SLC24A4: variants seen among roughly 807,000 people sequenced by gnomAD.
SLC24A4 encodes the protein solute carrier family 24 member 4.
SLC24A4 carries 53 observed loss-of-function variants against 79.0 expected under a neutral mutation model. That is an observed-to-expected ratio of 0.67 (90% confidence interval 0.54 to 0.84). The LOEUF is 0.84. Ranked by LOEUF, SLC24A4 falls within the 40% of genes least tolerant of loss-of-function variation. SLC24A4 has a pLI of 0.00. For missense variants in SLC24A4, 731 were observed against 822.0 expected, an observed-to-expected ratio of 0.89 and a Z score of 1.35; for synonymous variants, 323 against 323.8, an observed-to-expected ratio of 1.00 and a Z score of 0.03.
intron 2 of SLC24A4, among the ~76,000 whole-genome samples, chr14:92,366,767 C>T (rs1310244331): frequency 6.6e-6 from 1 of 152,168 alleles, no homozygotes; most frequent in Admixed American, 6.5e-5. Flanking sequence ...ATAATTCTCA[C>T]TTCATGTTTT....
intron 8 of SLC24A4, among the ~76,000 whole-genome samples, 188 bp from the exon 9 acceptor site, chr14:92,447,183 A>G (rs1892841838): frequency 6.6e-6 from 1 of 152,156 alleles, no homozygotes; most frequent in African/African-American, 2.4e-5. Flanking sequence ...TTGAACATCA[A>G]GAGGGCTGCT....
At chr14:92,372,691 G>T (rs530128228) in intron 2 of SLC24A4, among the ~76,000 whole-genome samples, 1 of 152,170 alleles carries the variant, frequency 6.6e-6, no homozygotes, top group South Asian at 2.1e-4. Context: ...GCTCGAGTTT[G>T]GCCCCTCAGC....
chr14:92,468,869 G>C (rs967681036), intron 12 of SLC24A4, among the ~76,000 whole-genome samples: 6 of 151,542 alleles, frequency 4.0e-5, no homozygotes, highest in African/African-American at 1.5e-4. Context: ...CAGAATGGGA[G>C]AAAACATTTG....
intron 2 of SLC24A4, 128 bp downstream of exon 2, chr14:92,326,106 C>A: frequency 1.6e-6 from 1 of 611,454 alleles, no homozygotes; most frequent in Non-Finnish European, 2.9e-6. Context: ...GAAAGGGTGG[C>A]CATGAGGTAT....
intron 2 of SLC24A4, among the ~76,000 whole-genome samples, chr14:92,381,986 G>A (rs1364828396): frequency 6.6e-6 from 1 of 152,148 alleles, no homozygotes; most frequent in Non-Finnish European, 1.5e-5. Context: ...AAAAATGGAT[G>A]TAAGTTCTTA....
At chr14:92,351,281 C>T (rs1385881991) in intron 2 of SLC24A4, among the ~76,000 whole-genome samples, 10 of 148,708 alleles carry the variant, frequency 6.7e-5, no homozygotes, top group South Asian at 2.1e-4. Context: ...CTGCCTATGC[C>T]GAAAACTCAA....
At chr14:92,451,267 C>T (rs527698338) in intron 10 of SLC24A4, 1 of 152,194 alleles carries the variant, frequency 6.6e-6, no homozygotes, top group Non-Finnish European at 1.5e-5. Context: ...ATTTCTTCAC[C>T]CCACTTTTAC....
At chr14:92,358,013 AAT>A (rs919987520) in intron 2 of SLC24A4, among the ~76,000 whole-genome samples, 1 of 152,198 alleles carries the variant, frequency 6.6e-6, no homozygotes, top group African/African-American at 2.4e-5. Context: ...GTTTGTTTTC[AAT>A]AAGTTAACTT....
intron 12 of SLC24A4, among the ~76,000 whole-genome samples, chr14:92,464,417 C>T (rs1447876953): frequency 2.6e-5 from 4 of 152,108 alleles, no homozygotes; most frequent in Admixed American, 1.3e-4. Flanking sequence ...AAGACCTGCC[C>T]GGGACCACGT....
At chr14:92,374,293 C>T (rs1219784493) in intron 2 of SLC24A4, among the ~76,000 whole-genome samples, 2 of 152,332 alleles carry the variant, frequency 1.3e-5, no homozygotes, top group African/African-American at 4.8e-5. Flanking sequence ...GGTTCCCACT[C>T]ATTCGAGAAG....
At chr14:92,399,273 G>A (rs1336567974) in intron 2 of SLC24A4, among the ~76,000 whole-genome samples, 2 of 152,142 alleles carry the variant, frequency 1.3e-5, no homozygotes, top group African/African-American at 2.4e-5. Context: ...TTATGCGGCC[G>A]AGTCTCACCT....
intron 12 of SLC24A4, among the ~76,000 whole-genome samples, chr14:92,472,679 C>CT (rs1566793683): frequency 6.6e-6 from 1 of 152,072 alleles, no homozygotes; most frequent in African/African-American, 2.4e-5. Flanking sequence ...TCTTTATCCA[C>CT]TCATTGATTG....
intron 5 of SLC24A4, 65 bp from the exon 6 acceptor site, chr14:92,442,648 C>A: frequency 2.7e-6 from 3 of 1,131,310 alleles, no homozygotes; most frequent in Non-Finnish European, 4.0e-6. Context: ...GAAAGGGGGA[C>A]ACTGAGGAAG....
At position 92,345,498 on chromosome 14, in the gene SLC24A4, C is replaced by T. The variant is rs528728608; in HGVS notation, c.241+19520C>T. On this transcript the variant is annotated intron_variant, in intron 2 of 16. Transcript: ENST00000532405. ...GGCGGATCACTTGAGGTCAGGAGTT[C>T]GAGACCAGCCTGGTCAATATGGTGA... 1.4e-4 allele frequency among the ~76,000 whole-genome samples: 22 copies of T among 152,218 alleles called. No homozygotes were observed. In the South Asian group the frequency reaches 2.1e-3, roughly 14 times the overall value.
chr14:92,341,129 C>T (rs1595136706), intron 2 of SLC24A4, among the ~76,000 whole-genome samples: 1 of 152,184 alleles, frequency 6.6e-6, no homozygotes, highest in South Asian at 2.1e-4. Context: ...GTGGCAGCGG[C>T]CCTGCCTTCT....
At position 92,347,541 on chromosome 14, in the gene SLC24A4, C is replaced by G. The variant is rs138176573; in HGVS notation, c.241+21563C>G. Among the ~76,000 whole-genome samples the G allele has an allele frequency of 2.3e-4, 35 of 152,310 alleles. 1 individual carries two copies. In the East Asian group the frequency reaches 4.6e-3, roughly 20 times the overall value. On this transcript the variant is annotated intron_variant, in intron 2 of 16. Transcript: ENST00000532405. ...GATTCCCTTAAAATGTTTGCAAAATCCATTCCCATCTTACTGTTACTTCCT... is the reference window on the plus strand; with the variant it reads ...GATTCCCTTAAAATGTTTGCAAAATGCATTCCCATCTTACTGTTACTTCCT...
chr14:92,387,902 A>AT (rs1401767574), intron 2 of SLC24A4, among the ~76,000 whole-genome samples: 1 of 152,240 alleles, frequency 6.6e-6, no homozygotes, highest in Non-Finnish European at 1.5e-5. Context: ...AGGCTGAATA[A>AT]TTCCACTGTA....
intron 2 of SLC24A4, among the ~76,000 whole-genome samples, chr14:92,341,381 A>G (rs1886132560): frequency 6.6e-6 from 1 of 152,234 alleles, no homozygotes; most frequent in Non-Finnish European, 1.5e-5. Flanking sequence ...CTGCCCCGAA[A>G]GGCCTTCAGC....
At chr14:92,437,412 C>T (rs909980551) in intron 3 of SLC24A4, among the ~76,000 whole-genome samples, 75 of 152,338 alleles carry the variant, frequency 4.9e-4, no homozygotes, top group African/African-American at 1.7e-3. Context: ...GTTCCTGGCA[C>T]ACAGGATGAG....
Sources: gnomAD v4.1 joint callset for allele counts (sites outside exome capture counted in the v4.1 genomes callset) on GRCh38, gnomAD v4.1.1 for gene constraint, MANE v1.5 for transcripts, NCBI Gene and HGNC (gene_info 2026-07-23, HGNC 2026-07-21) for gene names.